The following MICOS10 variants were observed in gnomAD, a reference collection of about 807,000 sequenced individuals.
MICOS10 encodes the protein MICOS complex subunit MIC10.
Under a neutral mutation model 13.4 loss-of-function variants are expected in MICOS10, and 5 were observed. That is an observed-to-expected ratio of 0.37 (90% CI 0.20 to 0.78). The LOEUF is 0.78. MICOS10 is among the 30% of genes least tolerant of loss of function. The probability of loss-of-function intolerance (pLI) is 0.47; values close to 1 mark genes in which losing one functional copy is unlikely to be tolerated. For synonymous variants in MICOS10, 35 were observed against 33.6 expected (o/e 1.04, Z -0.15); for missense variants, 101 against 94.6 (o/e 1.07, Z -0.28).
chr1:19,609,467 G>A (rs971103952), intron 1 of MICOS10, among the ~76,000 whole-genome samples: 3 of 152,164 alleles, frequency 2.0e-5, no homozygotes, highest in Admixed American at 6.5e-5. Flanking sequence ...ATATGATATA[G>A]CCATTCTACT....
chr1:19,609,344 C>A (rs1047809436), intron 1 of MICOS10, among the ~76,000 whole-genome samples: 1 of 152,056 alleles, frequency 6.6e-6, no homozygotes, highest in South Asian at 2.1e-4. Flanking sequence ...ACTGCCAATA[C>A]TAAGTGTTAA....
chr1:19,601,035 T>A (rs2094812303), intron 1 of MICOS10: 3 of 1,283,800 alleles, frequency 2.3e-6, no homozygotes, highest in Non-Finnish European at 3.0e-6. Flanking sequence ...TTCACCAGGG[T>A]TATTTTCCCA....
intron 1 of MICOS10, among the ~76,000 whole-genome samples, chr1:19,609,173 A>C (rs1383554385): frequency 2.0e-5 from 3 of 151,848 alleles, no homozygotes; most frequent in Non-Finnish European, 4.4e-5. Context: ...ATTAAAAAAA[A>C]ATTTTTTTTT....
intron 1 of MICOS10, 56 bp downstream of exon 1, chr1:19,597,165 C>A: frequency 6.5e-7 from 1 of 1,545,838 alleles, no homozygotes; most frequent in African/African-American, 1.4e-5. Flanking sequence ...TGGCTCCAGG[C>A]TGCGCTGCCC....
chr1:19,615,710 T>A (rs1172298251), intron 1 of MICOS10, among the ~76,000 whole-genome samples: 2 of 120,368 alleles, frequency 1.7e-5, no homozygotes, highest in Non-Finnish European at 3.3e-5. Flanking sequence ...CGCCCCCGAG[T>A]AGAGCTGGGA....
chr1:19,612,076 T>C (rs1478748249), intron 1 of MICOS10, among the ~76,000 whole-genome samples: 2 of 151,438 alleles, frequency 1.3e-5, no homozygotes, highest in Non-Finnish European at 2.9e-5. Flanking sequence ...GGAGTCTCAC[T>C]CTGTCACCCA....
intron 1 of MICOS10, among the ~76,000 whole-genome samples, chr1:19,618,301 ATT>A (rs1478277625): frequency 2.0e-5 from 3 of 150,828 alleles, no homozygotes; most frequent in Admixed American, 6.6e-5. Context: ...TATTATTATT[ATT>A]TTGTTTTGTT....
At chr1:19,602,455 ATGTT>A (rs1273310769) in intron 1 of MICOS10, among the ~76,000 whole-genome samples, 1 of 152,242 alleles carries the variant, frequency 6.6e-6, no homozygotes, top group Non-Finnish European at 1.5e-5. Flanking sequence ...AGTATTAAAA[ATGTT>A]TGGGAATAGT....
chr1:19,608,560 C>T (rs778159078), intron 1 of MICOS10: 6 of 901,270 alleles, frequency 6.7e-6, no homozygotes, highest in Admixed American at 3.5e-5. Flanking sequence ...CCGTGGTCGC[C>T]GTCTGTGAAC....
At chr1:19,605,766 C>G (rs1375812159) in intron 1 of MICOS10, among the ~76,000 whole-genome samples, 1 of 152,170 alleles carries the variant, frequency 6.6e-6, no homozygotes, top group Non-Finnish European at 1.5e-5. Context: ...TTTGCCCAGG[C>G]TGGTCTCAAA....
At chr1:19,626,342 G>A in intron 3 of MICOS10, 45 bp from the exon 4 acceptor site, 1 of 1,613,722 alleles carries the variant, frequency 6.2e-7, no homozygotes, top group South Asian at 1.1e-5. Context: ...AGGGTTGTCA[G>A]AATGCCGTCT....
At chr1:19,604,831 C>T (rs1306946980) in intron 1 of MICOS10, among the ~76,000 whole-genome samples, 1 of 151,978 alleles carries the variant, frequency 6.6e-6, no homozygotes, top group African/African-American at 2.4e-5. Context: ...CATTTGACCC[C>T]CATTTTGGAA....
chr1:19,623,501 C>T lies in MICOS10; in HGVS notation c.140C>T (p.Ser47Phe). The stretch of plus-strand genomic sequence containing the variant: ...AGAATGTGGCCATTAGCCTTCGGTT[C>T]TGGCATGGGATTAGGAATGGCTTAT... ...KRRMWPLAFG[S>F]GMGLGMAYSN... Residue 47 changes from serine (S) to phenylalanine (F), a missense_variant, in exon 3 of 4, where the codon TCT becomes TTT. Coordinates refer to ENST00000322753, the MANE Select transcript of MICOS10 (RefSeq NM_001032363.4). The T allele has an allele frequency of 6.2e-7, 1 of 1,612,320 alleles. No homozygotes were observed. Among genetic ancestry groups the T allele is most frequent in the African/African-American group, 1.3e-5 (1 of 74,962 alleles).
chr1:19,600,997 T>G, intron 1 of MICOS10: 1 of 1,289,378 alleles, frequency 7.8e-7, no homozygotes, highest in Non-Finnish European at 1.0e-6. Context: ...TTTGGTTGTC[T>G]TATACCTAAA....
intron 1 of MICOS10, among the ~76,000 whole-genome samples, chr1:19,616,002 TTC>T (rs2094882996): frequency 6.6e-6 from 1 of 152,100 alleles, no homozygotes; most frequent in Non-Finnish European, 1.5e-5. Flanking sequence ...TACTGCAATC[TTC>T]GCCTCCCAGG....
chr1:19,597,753 T>G (rs2094798422), intron 1 of MICOS10: 1 of 152,340 alleles, frequency 6.6e-6, no homozygotes, highest in African/African-American at 2.4e-5. Flanking sequence ...AATTATGAAG[T>G]CACTGTATGG....
chr1:19,598,559 C>T (rs2094801692), intron 1 of MICOS10, among the ~76,000 whole-genome samples: 1 of 151,682 alleles, frequency 6.6e-6, no homozygotes, highest in Non-Finnish European at 1.5e-5. Context: ...GGAGGATCGC[C>T]TGAGATCAGG....
At chr1:19,617,405 G>A (rs1468131287) in intron 1 of MICOS10, 1 of 675,634 alleles carries the variant, frequency 1.5e-6, no homozygotes, top group Non-Finnish European at 1.8e-6. Flanking sequence ...GTTGACTTTT[G>A]AGAAGCTGAT....
rs759595308 is a variant in MICOS10 at position 19,623,469 on chromosome 1, A to G, written c.113-5A>G. 1 of 1,593,600 alleles carries G rather than the reference A, an allele frequency of 6.3e-7. No individual in the cohort carries two copies. Among genetic ancestry groups the G allele is most frequent in the Non-Finnish European group, 8.6e-7 (1 of 1,166,096 alleles). On this transcript the variant is annotated splice_polypyrimidine_tract_variant and splice_region_variant and intron_variant, in intron 2 of 3. Coordinates refer to ENST00000322753, the MANE Select transcript of MICOS10 (RefSeq NM_001032363.4). ...TATTGGGATTTTCCCTTTTTTGCTC[A>G]CTAGGAAGAATGTGGCCATTAGCCT...
Sources: allele counts gnomAD v4.1 joint callset (sites outside exome capture counted in the v4.1 genomes callset), GRCh38; gene constraint gnomAD v4.1.1; transcripts MANE v1.5; gene names NCBI Gene and HGNC (gene_info 2026-07-23, HGNC 2026-07-21).